AP1M1: variants seen among roughly 807,000 people sequenced by gnomAD.
The protein encoded by AP1M1 is AP-1 complex subunit mu-1.
A neutral mutation model predicts 57.1 loss-of-function variants in AP1M1; 18 were observed. That is an observed-to-expected ratio of 0.32 (90% CI 0.22 to 0.47). AP1M1 has a LOEUF of 0.47. AP1M1 is among the 20% of genes least tolerant of loss of function. The probability of loss-of-function intolerance (pLI) is 1.00; values close to 1 mark genes in which losing one functional copy is unlikely to be tolerated. For synonymous variants in AP1M1, 241 were observed against 237.9 expected (o/e 1.01, Z -0.12); for missense variants, 362 against 593.5 (o/e 0.61, Z 4.05).
rs535404375 is a variant in AP1M1 at position 16,207,846 on chromosome 19, C to T, written c.268-173C>T. The stretch of plus-strand genomic sequence containing the variant: ...GGCCCCACCCCACAGCCAGCCACTG[C>T]TGTCCTGCCCCATAACCTGGGTCCA... On this transcript the variant is annotated intron_variant, in intron 3 of 11. Coordinates refer to ENST00000291439, the MANE Select transcript of AP1M1 (RefSeq NM_032493.4). The surrounding 1 kb of genome is among the most constrained non-coding windows in gnomAD (Gnocchi z 4.2). 6.6e-6 allele frequency among the ~76,000 whole-genome samples: 1 copy of T among 152,322 alleles called. No individual in the cohort carries two copies. Among genetic ancestry groups the T allele is most frequent in the Non-Finnish European group, 1.5e-5 (1 of 68,032 alleles).
Position 16,234,432 on chromosome 19 carries a change from G to C in AP1M1, c.1269G>C (p.Gln423His), listed in dbSNP as rs1280842866. Residue 423 changes from glutamine (Q) to histidine (H), a missense_variant, in exon 12 of 12, where the codon CAG (glutamine) becomes CAC (histidine). This residue lies in a region of AP1M1 where 25 missense variants were observed against 82.4 expected (regional missense o/e 0.30). Transcript: ENST00000291439. Reference sequence around the variant, plus strand: ...TCCTAGATTACCAGCTCCGGACCCAGTGAGGGGCTGTCGCAGCCAACACCC... The same window carrying C: ...TCCTAGATTACCAGCTCCGGACCCACTGAGGGGCTGTCGCAGCCAACACCC... The part of the protein sequence containing the change: ...TQNGDYQLRT[Q>H] The C allele has an allele frequency of 3.2e-5, 51 of 1,613,628 alleles. No homozygotes were observed. The highest frequency in any genetic ancestry group is 4.3e-5 in the Non-Finnish European group (51 of 1,179,948).
At chr19:16,201,177 G>GT in intron 1 of AP1M1, among the ~76,000 whole-genome samples, 1 of 152,054 alleles carries the variant, frequency 6.6e-6, no homozygotes, top group East Asian at 1.9e-4. Context: ...CTCCACAAAT[G>GT]TTTACTGAGC....
At chr19:16,233,470 C>A in intron 9 of AP1M1, 23 bp from the exon 10 acceptor site, 1 of 1,575,012 alleles carries the variant, frequency 6.3e-7, no homozygotes, top group Non-Finnish European at 8.6e-7. Context: ...TAGGCCTGAG[C>A]GCCTCCCCCG....
chr19:16,237,026 A>G lies in AP1M1; in HGVS notation c.*2591A>G, dbSNP rs2091627640. The G allele has an allele frequency of 6.6e-6, 1 of 152,290 alleles. No homozygotes were observed. Among genetic ancestry groups the G allele is most frequent in the South Asian group, 2.1e-4 (1 of 4,838 alleles). 9.4% of individuals were successfully genotyped at this position (152,290 alleles called of 1,614,324 possible). A position where few individuals can be genotyped will look rare whatever the true frequency, so the allele number is the denominator to read the frequency against. ...GCTGTTAAGACAGAGCTGTTACAACATCCAACAAGGCAAATAATTTGCATG... is the reference window on the plus strand; with the variant it reads ...GCTGTTAAGACAGAGCTGTTACAACGTCCAACAAGGCAAATAATTTGCATG... On this transcript the variant is annotated 3_prime_UTR_variant, in exon 12 of 12. Transcript: ENST00000291439.
intron 5 of AP1M1, among the ~76,000 whole-genome samples, chr19:16,210,645 T>C (rs2091489604): frequency 6.6e-6 from 1 of 152,196 alleles, no homozygotes; most frequent in South Asian, 2.1e-4. Context: ...CTGCAACCTC[T>C]GCCTCCCAGG....
intron 5 of AP1M1, among the ~76,000 whole-genome samples, chr19:16,222,984 T>C (rs1267815064): frequency 6.6e-6 from 1 of 152,236 alleles, no homozygotes; most frequent in African/African-American, 2.4e-5. Context: ...CAGTGGTTGA[T>C]TGGGTTTTCC....
intron 5 of AP1M1, among the ~76,000 whole-genome samples, chr19:16,221,112 G>C (rs1049598257): frequency 1.3e-5 from 2 of 152,042 alleles, no homozygotes; most frequent in Non-Finnish European, 2.9e-5. Flanking sequence ...CCTAAAATAT[G>C]GTTTTTTGTT....
In AP1M1 at chr19:16,200,961, A is replaced by G. The variant is rs763195108; in HGVS notation, c.43-2498A>G. Among the ~76,000 whole-genome samples, 4 of 151,516 alleles carry G rather than the reference A, an allele frequency of 2.6e-5. No individual in the cohort carries two copies. In the South Asian group the frequency reaches 6.2e-4, roughly 24 times the overall value. On this transcript the variant is annotated intron_variant, in intron 1 of 11. Coordinates refer to ENST00000291439, the MANE Select transcript of AP1M1 (RefSeq NM_032493.4). ...CATGTCCATGGGCCAGTGACTCTCAATTTTGTTCACAGCATTTCTCTGGAG... is the reference window on the plus strand; with the variant it reads ...CATGTCCATGGGCCAGTGACTCTCAGTTTTGTTCACAGCATTTCTCTGGAG...
chr19:16,214,046 C>CTTT (rs1599457569), intron 5 of AP1M1, among the ~76,000 whole-genome samples: 3 of 89,690 alleles, frequency 3.3e-5, no homozygotes, highest in Non-Finnish European at 6.0e-5. Flanking sequence ...CTTTTCTTTC[C>CTTT]TTTTTCTTTT....
At chr19:16,232,251 G>A (rs370690842) in intron 9 of AP1M1, among the ~76,000 whole-genome samples, 14 of 152,300 alleles carry the variant, frequency 9.2e-5, no homozygotes, top group African/African-American at 3.4e-4. Flanking sequence ...TCCTACCCGG[G>A]GAGCCCTTCT....
chr19:16,224,654 G>A (rs2091562710), intron 5 of AP1M1, among the ~76,000 whole-genome samples: 1 of 152,230 alleles, frequency 6.6e-6, no homozygotes, highest in Non-Finnish European at 1.5e-5. Flanking sequence ...CAGCTTTTCA[G>A]CTCCACTCCC....
chr19:16,218,377 G>A (rs984940922), intron 5 of AP1M1, among the ~76,000 whole-genome samples: 35 of 152,334 alleles, frequency 2.3e-4, no homozygotes, highest in African/African-American at 8.4e-4. Flanking sequence ...GCAGCTGGCC[G>A]TGGCAGTCGA....
chr19:16,208,554 G>T (rs138599769), intron 4 of AP1M1, among the ~76,000 whole-genome samples: 150 of 152,212 alleles, frequency 9.9e-4, no homozygotes, highest in African/African-American at 3.5e-3. Context: ...ACATTCACTC[G>T]ATTCACAGCC....
In AP1M1 at chr19:16,206,978, G is replaced by A. The variant is rs1599453886; in HGVS notation, c.267+570G>A. Among the ~76,000 whole-genome samples the A allele has an allele frequency of 6.6e-6, 1 of 152,240 alleles. No individual in the cohort carries two copies. The highest frequency in any genetic ancestry group is 1.5e-5 in the Non-Finnish European group (1 of 68,042). On this transcript the variant is annotated intron_variant, in intron 3 of 11. Transcript: ENST00000291439. This position sits in a 1 kb window ranked among gnomAD's most constrained non-coding sequence, Gnocchi z 4.3. ...GCTGGGAAGAGGGCGGATTATACAG[G>A]AGTGTGGATTTCATTCCACTTCTGA...
chr19:16,203,139 T>G lies in AP1M1; in HGVS notation c.43-320T>G. The G allele has an allele frequency of 2.9e-6, 1 of 343,024 alleles. No homozygotes were observed. Among genetic ancestry groups the G allele is most frequent in the Non-Finnish European group, 5.5e-6 (1 of 182,236 alleles). 21.2% of individuals were successfully genotyped at this position (343,024 alleles called of 1,614,324 possible). Reference sequence around the variant, plus strand: ...GGCAAAGGCTCTGAGAAGGTCTGCATTGAGAGCTTGTGAGGCATTGCTTAA... The same window carrying G: ...GGCAAAGGCTCTGAGAAGGTCTGCAGTGAGAGCTTGTGAGGCATTGCTTAA... On this transcript the variant is annotated intron_variant, in intron 1 of 11. Transcript: ENST00000291439. The surrounding 1 kb of genome is among the most constrained non-coding windows in gnomAD (Gnocchi z 4.6).
chr19:16,199,564 A>G (rs1297287142), intron 1 of AP1M1, among the ~76,000 whole-genome samples: 1 of 152,118 alleles, frequency 6.6e-6, no homozygotes, highest in Non-Finnish European at 1.5e-5. Flanking sequence ...AGCAGCTGAG[A>G]GTGAAGAGGT....
intron 5 of AP1M1, among the ~76,000 whole-genome samples, chr19:16,214,191 G>A (rs982705031): frequency 1.3e-5 from 2 of 151,364 alleles, no homozygotes; most frequent in Non-Finnish European, 2.9e-5. Context: ...TGGGACTACA[G>A]GCGTATGCCA....
intron 4 of AP1M1, 163 bp from the exon 5 acceptor site, chr19:16,208,867 C>A (rs981827489): frequency 6.5e-6 from 5 of 770,848 alleles, no homozygotes; most frequent in Non-Finnish European, 8.1e-6. Flanking sequence ...CCCAGGTGAA[C>A]CAGAGGCTGC....
intron 5 of AP1M1, among the ~76,000 whole-genome samples, chr19:16,219,401 T>TTTTTTTTTTTTTTTTTTTTG (rs2091532856): frequency 7.1e-6 from 1 of 140,942 alleles, no homozygotes; most frequent in Non-Finnish European, 1.6e-5. Context: ...TTTTTTTGTT[T>TTTTTTTTTTTTTTTTTTTTG]TTTTTTTTTT....
Sources: allele counts gnomAD v4.1 joint callset (sites outside exome capture counted in the v4.1 genomes callset), GRCh38; gene constraint gnomAD v4.1.1; regional missense constraint gnomAD v4.1.1; non-coding constraint Gnocchi (gnomAD v3.1); transcripts MANE v1.5; gene names NCBI Gene and HGNC (gene_info 2026-07-23, HGNC 2026-07-21).